The following CNTNAP2 variants were observed in gnomAD, a reference collection of about 807,000 sequenced individuals.
The protein encoded by CNTNAP2 is contactin-associated protein-like 2.
In CNTNAP2, 98 loss-of-function variants were observed where a neutral mutation model predicts 155.2. The ratio of observed to expected loss-of-function variants is 0.63; its 90% CI spans 0.54 to 0.75. The LOEUF is 0.75. Among genes scored for constraint, CNTNAP2 ranks in the 30% least tolerant of loss-of-function variants. The pLI is 0.00. For synonymous variants in CNTNAP2, 651 were observed against 631.2 expected (o/e 1.03, Z -0.47); for missense variants, 1,727 against 1,688.1 (o/e 1.02, Z -0.40).
intron 13 of CNTNAP2, among the ~76,000 whole-genome samples, chr7:147,764,990 A>G (rs1342202692): frequency 6.6e-6 from 1 of 152,236 alleles, no homozygotes; most frequent in African/African-American, 2.4e-5. Context: ...TGATAACTTC[A>G]TAATGCTGCT....
chr7:147,167,381 C>G, intron 8 of CNTNAP2: 1 of 1,163,310 alleles, frequency 8.6e-7, no homozygotes, highest in South Asian at 1.5e-5. Flanking sequence ...ACATTTCTGC[C>G]AAACGTTACT....
intron 1 of CNTNAP2, among the ~76,000 whole-genome samples, chr7:146,705,254 C>T (rs188355296): frequency 2.6e-5 from 4 of 152,204 alleles, no homozygotes; most frequent in Admixed American, 6.5e-5. Context: ...TCACAAAACC[C>T]GTAAACTGGG....
At chr7:147,465,712 C>T (rs914841410) in intron 10 of CNTNAP2, among the ~76,000 whole-genome samples, 1 of 152,142 alleles carries the variant, frequency 6.6e-6, no homozygotes, top group African/African-American at 2.4e-5. Context: ...AATCTTGGTC[C>T]ACGTGTCTAT....
intron 5 of CNTNAP2, among the ~76,000 whole-genome samples, chr7:147,111,434 T>C (rs1440513837): frequency 1.3e-5 from 2 of 152,226 alleles, no homozygotes; most frequent in Non-Finnish European, 2.9e-5. Context: ...CATCATGAAA[T>C]CTTTGCCTGT....
intron 13 of CNTNAP2, among the ~76,000 whole-genome samples, chr7:147,772,504 A>C (rs1415937961): frequency 7.2e-6 from 1 of 138,978 alleles, no homozygotes; most frequent in African/African-American, 2.7e-5. Flanking sequence ...AAAAAAAACC[A>C]CAAAAGAGGT....
intron 13 of CNTNAP2, among the ~76,000 whole-genome samples, chr7:147,641,273 T>C (rs1584874414): frequency 1.3e-5 from 2 of 152,316 alleles, no homozygotes; most frequent in African/African-American, 2.4e-5. Context: ...AAAATGTGAG[T>C]GCTTTCTATG....
chr7:146,816,580 T>C (rs1397456650), intron 2 of CNTNAP2, among the ~76,000 whole-genome samples: 2 of 152,186 alleles, frequency 1.3e-5, no homozygotes, highest in Non-Finnish European at 2.9e-5. Context: ...CTTGGGCGTA[T>C]ACCACTAAAG....
chr7:147,824,167 G>A (rs1384026919), intron 13 of CNTNAP2, among the ~76,000 whole-genome samples: 1 of 152,180 alleles, frequency 6.6e-6, no homozygotes, highest in East Asian at 1.9e-4. Flanking sequence ...GTTTAACTGT[G>A]TAGTCTCTCC....
chr7:147,275,256 A>T (rs1464264268), intron 8 of CNTNAP2, among the ~76,000 whole-genome samples: 1 of 152,028 alleles, frequency 6.6e-6, no homozygotes, highest in Admixed American at 6.6e-5. Context: ...GGGGCAGTAT[A>T]GTCATTTTAA....
chr7:147,803,602 G>A (rs1798041503), intron 13 of CNTNAP2, among the ~76,000 whole-genome samples: 1 of 152,184 alleles, frequency 6.6e-6, no homozygotes, highest in African/African-American at 2.4e-5. Context: ...ATGAAACAAA[G>A]GATATCCCTG....
At chr7:148,327,635 C>A (rs1015759780) in intron 21 of CNTNAP2, among the ~76,000 whole-genome samples, 7 of 152,156 alleles carry the variant, frequency 4.6e-5, no homozygotes, top group African/African-American at 1.7e-4. Context: ...GTGTTGTTAC[C>A]ACTACCCCAA....
chr7:146,753,311 T>C (rs563067671), intron 1 of CNTNAP2, among the ~76,000 whole-genome samples: 1 of 152,242 alleles, frequency 6.6e-6, no homozygotes, highest in African/African-American at 2.4e-5. Context: ...TTATCCATGC[T>C]ACCATTTATT....
intron 4 of CNTNAP2, among the ~76,000 whole-genome samples, chr7:147,045,994 C>T (rs1004432848): frequency 1.3e-5 from 2 of 152,036 alleles, no homozygotes; most frequent in Non-Finnish European, 2.9e-5. Flanking sequence ...AGCATTACCA[C>T]AGTAGATGAG....
At chr7:146,558,588 T>G (rs1408449676) in intron 1 of CNTNAP2, among the ~76,000 whole-genome samples, 3 of 152,130 alleles carry the variant, frequency 2.0e-5, no homozygotes, top group East Asian at 1.9e-4. Context: ...TTATTATTAT[T>G]ATGATTTTTT....
intron 1 of CNTNAP2, among the ~76,000 whole-genome samples, chr7:146,754,088 A>G (rs1464570551): frequency 1.3e-5 from 2 of 152,086 alleles, no homozygotes; most frequent in Admixed American, 1.3e-4. Context: ...AATAAGACAC[A>G]AGTTTTATTC....
intron 21 of CNTNAP2, among the ~76,000 whole-genome samples, chr7:148,273,537 G>A (rs771740521): frequency 1.5e-4 from 23 of 152,090 alleles, no homozygotes; most frequent in Non-Finnish European, 2.4e-4. Context: ...TTCTGCCATC[G>A]CTGTAAATCA....
intron 10 of CNTNAP2, among the ~76,000 whole-genome samples, chr7:147,469,206 G>C (rs906772673): frequency 2.6e-5 from 4 of 152,098 alleles, no homozygotes; most frequent in African/African-American, 9.7e-5. Flanking sequence ...CATTAATGGA[G>C]CACAAAACCC....
chr7:146,163,517 C>CTATA (rs71525927), intron 1 of CNTNAP2, among the ~76,000 whole-genome samples: 40 of 145,074 alleles, frequency 2.8e-4, no homozygotes, highest in Middle Eastern at 7.2e-3. Context: ...CTATATATAT[C>CTATA]TATATATATC....
At chr7:146,270,660 G>T (rs562983103) in intron 1 of CNTNAP2, among the ~76,000 whole-genome samples, 2 of 152,090 alleles carry the variant, frequency 1.3e-5, no homozygotes, top group South Asian at 4.2e-4. Context: ...ATCTGAAATA[G>T]AATTCCAGGA....
Sources: allele counts gnomAD v4.1 joint callset (sites outside exome capture counted in the v4.1 genomes callset), GRCh38; gene constraint gnomAD v4.1.1; transcripts MANE v1.5; gene names NCBI Gene and HGNC (gene_info 2026-07-23, HGNC 2026-07-21).